The following SH3RF3 variants were observed in gnomAD, a reference collection of about 807,000 sequenced individuals.
SH3RF3 encodes the protein E3 ubiquitin-protein ligase SH3RF3.
Under a neutral mutation model 66.3 loss-of-function variants are expected in SH3RF3, and 29 were observed. The ratio of observed to expected loss-of-function variants is 0.44; its 90% confidence interval spans 0.33 to 0.60. SH3RF3 has a LOEUF of 0.60. SH3RF3 is among the 20% of genes least tolerant of loss of function. The probability of loss-of-function intolerance (pLI) is 0.04; values close to 1 mark genes in which losing one functional copy is unlikely to be tolerated. For missense variants in SH3RF3, 1,194 were observed against 1,190.9 expected (o/e 1.00, Z -0.04); for synonymous variants, 583 against 532.0 (o/e 1.10, Z -1.32).
rs1349909756 is a variant in SH3RF3, at chr2:109,238,484, TGTGTGTGTGTGTGTGAGA to T, written c.573+108375_573+108392del. Among the ~76,000 whole-genome samples, 19 of 145,006 alleles carry T rather than the reference TGTGTGTGTGTGTGTGAGA, an allele frequency of 1.3e-4. No individual in the cohort carries two copies. The East Asian group carries it at 2.6e-3, about 19-fold the overall frequency. ...GTGTGTGTGTGTGTGTGTGTGTGTG[TGTGTGTGTGTGTGTGAGA>T]GTGAGACAGAGCCTCACCTTGTTGC... On this transcript the variant is annotated intron_variant, in intron 1 of 9. Transcript: ENST00000309415.
intron 2 of SH3RF3, among the ~76,000 whole-genome samples, chr2:109,354,205 G>A (rs1411390070): frequency 6.6e-6 from 1 of 152,154 alleles, no homozygotes; most frequent in Non-Finnish European, 1.5e-5. Flanking sequence ...GTTGGGCCCT[G>A]TGTGTGTGGC....
chr2:109,438,433 C>T (rs1677471535), intron 7 of SH3RF3, among the ~76,000 whole-genome samples: 2 of 152,166 alleles, frequency 1.3e-5, no homozygotes, highest in Non-Finnish European at 2.9e-5. Flanking sequence ...GGTGGTGTAC[C>T]TGTCAAGCAG....
intron 4 of SH3RF3, among the ~76,000 whole-genome samples, chr2:109,414,892 A>G (rs1676682059): frequency 6.6e-6 from 1 of 152,230 alleles, no homozygotes; most frequent in Non-Finnish European, 1.5e-5. Flanking sequence ...ACACATGTCC[A>G]AGTGCTGATC....
In SH3RF3 at chr2:109,214,473, G is replaced by GA. The variant is rs5833323; in HGVS notation, c.573+84373dup. ...TAAAAAAAAAGAGTCATAGAAAAGA[G>GA]AAAAAAAAAAAAAGGAGTGGAGCCC... is the stretch of plus-strand genomic sequence containing the variant. On this transcript the variant is annotated intron_variant, in intron 1 of 9. Coordinates refer to ENST00000309415, the MANE Select transcript of SH3RF3 (RefSeq NM_001099289.3). Among the ~76,000 whole-genome samples, 449 of 130,216 alleles carry GA rather than the reference G, an allele frequency of 3.4e-3. 3 individuals carry two copies. The Middle Eastern group carries it at 0.042, about 12-fold the overall frequency. The allele number at this position is 130,216 out of a possible 152,430, so 85.4% of individuals were successfully genotyped here.
In SH3RF3 at chr2:109,419,653, C is replaced by T. The variant is rs1676820437; in HGVS notation, c.1403+11C>T. The T allele has an allele frequency of 2.6e-6, 4 of 1,563,568 alleles. No individual in the cohort carries two copies. The highest frequency in any genetic ancestry group is 2.4e-5 in the East Asian group (1 of 42,342). ...GCTGCCCCTCAACGTGTGAGCTGCC[C>T]TTTGTGTCTGTCGGGGTCCTGTGCC... On this transcript the variant is annotated intron_variant, in intron 5 of 9. Transcript: ENST00000309415.
intron 1 of SH3RF3, among the ~76,000 whole-genome samples, chr2:109,210,785 G>C (rs2115900): frequency 0.045 from 6,826 of 152,260 alleles, 499 homozygotes; most frequent in African/African-American, 0.15. Flanking sequence ...TCTCTGGCAA[G>C]CACGACCTAT....
At chr2:109,273,853 G>T (rs1446363046) in intron 1 of SH3RF3, among the ~76,000 whole-genome samples, 1 of 152,144 alleles carries the variant, frequency 6.6e-6, no homozygotes, top group Non-Finnish European at 1.5e-5. Flanking sequence ...TAAAGGGGTT[G>T]CTTGAAGTGA....
At chr2:109,400,930 C>T (rs1340516041) in intron 4 of SH3RF3, among the ~76,000 whole-genome samples, 1 of 152,218 alleles carries the variant, frequency 6.6e-6, no homozygotes, top group African/African-American at 2.4e-5. Context: ...TTGGTCCCAA[C>T]CCTAACTCCA....
intron 8 of SH3RF3, among the ~76,000 whole-genome samples, chr2:109,483,879 CT>C (rs1678897055): frequency 6.6e-6 from 1 of 152,108 alleles, no homozygotes; most frequent in Non-Finnish European, 1.5e-5. Flanking sequence ...GGCTTGGCTC[CT>C]CAGAAGCACC....
At chr2:109,236,733 G>A (rs1356729973) in intron 1 of SH3RF3, among the ~76,000 whole-genome samples, 1 of 152,166 alleles carries the variant, frequency 6.6e-6, no homozygotes, top group Non-Finnish European at 1.5e-5. Context: ...TTACAGCATG[G>A]ACTGTTTCCT....
At chr2:109,263,810 T>C (rs1680414612) in intron 1 of SH3RF3, among the ~76,000 whole-genome samples, 1 of 152,000 alleles carries the variant, frequency 6.6e-6, no homozygotes, top group African/African-American at 2.4e-5. Flanking sequence ...ACTAAAAAAA[T>C]ACAAAAAATT....
intron 1 of SH3RF3, among the ~76,000 whole-genome samples, chr2:109,238,490 TGTGTGTGTGA>T (rs1439490891): frequency 9.8e-4 from 124 of 126,086 alleles, no homozygotes; most frequent in African/African-American, 3.7e-3. Flanking sequence ...TGTGTGTGTG[TGTGTGTGTGA>T]GAGTGAGACA....
intron 8 of SH3RF3, among the ~76,000 whole-genome samples, chr2:109,470,531 G>A (rs1678477423): frequency 6.6e-6 from 1 of 152,174 alleles, no homozygotes; most frequent in African/African-American, 2.4e-5. Flanking sequence ...TATTTGTGGA[G>A]CACCCACTTT....
At chr2:109,494,838 A>G (rs36142841) in intron 9 of SH3RF3, among the ~76,000 whole-genome samples, 38,760 of 152,014 alleles carry the variant, frequency 0.25, 5,300 homozygotes, top group East Asian at 0.5. Context: ...CATCTCTTTC[A>G]AGACTCTGGA....
At chr2:109,325,346 T>C (rs1367915522) in intron 1 of SH3RF3, among the ~76,000 whole-genome samples, 4 of 137,446 alleles carry the variant, frequency 2.9e-5, no homozygotes, top group African/African-American at 8.2e-5. Flanking sequence ...TTTTTTTTTT[T>C]TTTTTTTTTT....
chr2:109,330,733 A>T lies in SH3RF3; in HGVS notation c.574-16941A>T, dbSNP rs1300700431. Among the ~76,000 whole-genome samples, 3 of 152,170 alleles carry T rather than the reference A, an allele frequency of 2.0e-5. 1 individual carries two copies. The East Asian group carries it at 5.8e-4, about 29-fold the overall frequency. On this transcript the variant is annotated intron_variant, in intron 1 of 9. Transcript: ENST00000309415. ...GATGGATGAATAAACAAATAAATGGAGAGATGGGTGGATAAAGATAATTCA... is the reference window on the plus strand; with the variant it reads ...GATGGATGAATAAACAAATAAATGGTGAGATGGGTGGATAAAGATAATTCA...
chr2:109,324,152 A>G (rs1369648798), intron 1 of SH3RF3, among the ~76,000 whole-genome samples: 3 of 152,148 alleles, frequency 2.0e-5, no homozygotes, highest in African/African-American at 7.2e-5. Context: ...TCATGTTTTT[A>G]TGGCTGAATA....
intron 8 of SH3RF3, among the ~76,000 whole-genome samples, chr2:109,479,013 C>T (rs1213193282): frequency 6.6e-6 from 1 of 152,186 alleles, no homozygotes; most frequent in Non-Finnish European, 1.5e-5. Flanking sequence ...GAGCTGCAGC[C>T]TCCTGGAGGT....
intron 3 of SH3RF3, among the ~76,000 whole-genome samples, chr2:109,378,244 G>A (rs1683434607): frequency 6.6e-6 from 1 of 152,184 alleles, no homozygotes; most frequent in Admixed American, 6.5e-5. Flanking sequence ...CAGGGAGCTG[G>A]CTCATATTCA....
Sources: allele counts gnomAD v4.1 joint callset (sites outside exome capture counted in the v4.1 genomes callset), GRCh38; gene constraint gnomAD v4.1.1; transcripts MANE v1.5; gene names NCBI Gene and HGNC (gene_info 2026-07-23, HGNC 2026-07-21).